The following CEP83 variants were observed in gnomAD, a reference collection of about 807,000 sequenced individuals.
CEP83 encodes the protein centrosomal protein 83.
CEP83 carries 70 observed loss-of-function variants against 101.9 expected under a neutral mutation model. The ratio of observed to expected loss-of-function variants is 0.69; its 90% CI spans 0.57 to 0.84. CEP83 has a LOEUF of 0.84. Ranked by LOEUF, CEP83 falls within the 40% of genes least tolerant of loss-of-function variation. CEP83 has a pLI of 0.00. For missense variants in CEP83, 715 were observed against 787.2 expected (o/e 0.91, Z 1.10); for synonymous variants, 264 against 267.9 (o/e 0.99, Z 0.14).
At chr12:94,388,234 ATAC>A (rs1203922055) in intron 6 of CEP83, among the ~76,000 whole-genome samples, 6 of 152,248 alleles carry the variant, frequency 3.9e-5, no homozygotes, top group South Asian at 2.1e-4. Context: ...ACACCACGGA[ATAC>A]TATACAGCCA....
intron 3 of CEP83, 71 bp downstream of exon 3, chr12:94,412,247 C>T (rs1376524322): frequency 1.6e-6 from 2 of 1,246,528 alleles, no homozygotes; most frequent in African/African-American, 3.1e-5. Context: ...TATTCTATAG[C>T]AAACATTCAG....
intron 14 of CEP83, among the ~76,000 whole-genome samples, chr12:94,322,733 G>A (rs1030557346): frequency 6.6e-6 from 1 of 152,180 alleles, no homozygotes; most frequent in Non-Finnish European, 1.5e-5. Context: ...TCTGTACCAG[G>A]GGATCACTCC....
chr12:94,376,136 A>G (rs2061523379), intron 7 of CEP83, 119 bp from the exon 8 acceptor site: 1 of 595,442 alleles, frequency 1.7e-6, no homozygotes, highest in Non-Finnish European at 2.5e-6. Context: ...TCAACTTAAC[A>G]TATACCAATG....
intron 11 of CEP83, among the ~76,000 whole-genome samples, chr12:94,360,009 A>G (rs1425274109): frequency 1.3e-5 from 2 of 152,252 alleles, no homozygotes; most frequent in Non-Finnish European, 2.9e-5. Flanking sequence ...ACATCGTATC[A>G]ACTGAATGAA....
At chr12:94,454,551 G>C (rs2067501086) in intron 1 of CEP83, among the ~76,000 whole-genome samples, 1 of 152,212 alleles carries the variant, frequency 6.6e-6, no homozygotes, top group African/African-American at 2.4e-5. Context: ...CCAATTAGCA[G>C]GATGTGGGTG....
At chr12:94,386,973 A>T (rs1336208486) in intron 6 of CEP83, among the ~76,000 whole-genome samples, 1 of 152,220 alleles carries the variant, frequency 6.6e-6, no homozygotes, top group Non-Finnish European at 1.5e-5. Flanking sequence ...CAACAATCTG[A>T]TGCTCAACAA....
At chr12:94,320,134 A>C (rs1366310632) in intron 14 of CEP83, among the ~76,000 whole-genome samples, 1 of 152,096 alleles carries the variant, frequency 6.6e-6, no homozygotes, top group Non-Finnish European at 1.5e-5. Context: ...TGTTGGTTTA[A>C]AATGTTTTGT....
intron 4 of CEP83, among the ~76,000 whole-genome samples, chr12:94,405,725 TGA>T (rs1021467840): frequency 6.6e-6 from 1 of 152,168 alleles, no homozygotes; most frequent in African/African-American, 2.4e-5. Flanking sequence ...AGATAAGCTT[TGA>T]GAGTTTTCAG....
chr12:94,435,773 A>C (rs1028508875), intron 1 of CEP83, among the ~76,000 whole-genome samples: 1 of 152,228 alleles, frequency 6.6e-6, no homozygotes, highest in African/African-American at 2.4e-5. Context: ...CTCCCTGGCT[A>C]ATCAGAGGTC....
downstream of CEP83, chr12:94,306,502 G>T (rs1036774028): frequency 6.6e-6 from 1 of 152,084 alleles, no homozygotes; most frequent in Non-Finnish European, 1.5e-5. Context: ...TGCTGCTCAT[G>T]ACCAGTTTTA....
At chr12:94,388,671 G>A (rs1316183656) in intron 6 of CEP83, among the ~76,000 whole-genome samples, 1 of 152,044 alleles carries the variant, frequency 6.6e-6, no homozygotes, top group Non-Finnish European at 1.5e-5. Flanking sequence ...AAAATAATTT[G>A]GAAACTTTTT....
chr12:94,351,997 G>A (rs1434800430), intron 11 of CEP83, among the ~76,000 whole-genome samples: 1 of 152,190 alleles, frequency 6.6e-6, no homozygotes. Flanking sequence ...TAGAAACAAA[G>A]CCAAAGCAAC....
chr12:94,412,552 C>T lies in CEP83; in HGVS notation c.-62G>A, dbSNP rs2063953468. The T allele has an allele frequency of 3.4e-6, 5 of 1,491,894 alleles. No homozygotes were observed. The Admixed American group carries it at 5.7e-5, about 17-fold the overall frequency. 92.4% of individuals were successfully genotyped at this position (1,491,894 alleles called of 1,614,324 possible). ...TTCTTTCCAAGGGTATTTCCCACTC[C>T]TTTCTTGCTAAGGCAGAATCTCAGG... On this transcript the variant is annotated 5_prime_UTR_variant, in exon 3 of 17. Coordinates refer to ENST00000397809, the MANE Select transcript of CEP83 (RefSeq NM_016122.3).
intron 1 of CEP83, among the ~76,000 whole-genome samples, chr12:94,449,771 T>A (rs2067099510): frequency 3.2e-5 from 2 of 62,560 alleles, no homozygotes; most frequent in African/African-American, 6.6e-5. Flanking sequence ...AGAGTCTGTC[T>A]CAAACAATAA....
chr12:94,451,103 T>C (rs2067217324), intron 1 of CEP83, among the ~76,000 whole-genome samples: 1 of 152,204 alleles, frequency 6.6e-6, no homozygotes, highest in South Asian at 2.1e-4. Context: ...TGGTACTGGA[T>C]AATTTGGCAT....
At chr12:94,327,383 AC>A (rs751410236) in intron 14 of CEP83, among the ~76,000 whole-genome samples, 4 of 152,128 alleles carry the variant, frequency 2.6e-5, no homozygotes, top group African/African-American at 4.8e-5. Flanking sequence ...ACCTCTGTTC[AC>A]CACCACACCT....
At chr12:94,293,510 A>G in the CEP83 span, among the ~76,000 whole-genome samples, 1 of 152,246 alleles carries the variant, frequency 6.6e-6, no homozygotes, top group African/African-American at 2.4e-5. Flanking sequence ...TGTCTGGGCA[A>G]AGTACTAGTA....
the CEP83 span, chr12:94,277,126 G>A: frequency 6.6e-6 from 1 of 152,218 alleles, no homozygotes; most frequent in Non-Finnish European, 1.5e-5. Flanking sequence ...TGGAGGATGA[G>A]AAGTCCAAGA....
At chr12:94,316,901 A>G (rs1970790456) in intron 14 of CEP83, among the ~76,000 whole-genome samples, 1 of 152,064 alleles carries the variant, frequency 6.6e-6, no homozygotes, top group Non-Finnish European at 1.5e-5. Flanking sequence ...ATGTGTCTTT[A>G]TGGCAGAAAG....
Sources: gnomAD v4.1 joint callset for allele counts (sites outside exome capture counted in the v4.1 genomes callset) on GRCh38, gnomAD v4.1.1 for gene constraint, MANE v1.5 for transcripts, NCBI Gene and HGNC (gene_info 2026-07-23, HGNC 2026-07-21) for gene names.